Variants in MYZAP observed in about 807,000 individuals in gnomAD.
MYZAP encodes the protein GRINL1A complex locus upstream.
In MYZAP, 66 loss-of-function variants were observed where a neutral mutation model predicts 69.4. That is an observed-to-expected ratio of 0.95 (90% CI 0.78 to 1.17). The LOEUF (loss-of-function observed/expected upper bound fraction) is 1.17, where lower values mean the gene tolerates loss of function less well. Among genes scored for constraint, MYZAP ranks in the 50% most tolerant of loss-of-function variants. MYZAP has a pLI of 0.00. For synonymous variants in MYZAP, 256 were observed against 205.9 expected (o/e 1.24, Z -2.09); for missense variants, 611 against 556.2 (o/e 1.10, Z -0.99).
intron 2 of MYZAP, among the ~76,000 whole-genome samples, chr15:57,615,679 T>C (rs1200858984): frequency 1.3e-5 from 2 of 152,216 alleles, no homozygotes; most frequent in Non-Finnish European, 2.9e-5. Flanking sequence ...CTCTTCCTGG[T>C]TATATGTCCA....
At chr15:57,642,180 A>G (rs1385928407) in intron 10 of MYZAP, among the ~76,000 whole-genome samples, 6 of 152,212 alleles carry the variant, frequency 3.9e-5, no homozygotes, top group African/African-American at 1.4e-4. Context: ...TTCCTCCACA[A>G]ATTCTGTGTT....
intron 1 of MYZAP, among the ~76,000 whole-genome samples, chr15:57,603,806 CT>C (rs1232931999): frequency 6.6e-6 from 1 of 151,916 alleles, no homozygotes; most frequent in Non-Finnish European, 1.5e-5. Flanking sequence ...GGTATATGGA[CT>C]TTTTTGAAAA....
At chr15:57,669,577 A>T (rs984244562) in intron 11 of MYZAP, among the ~76,000 whole-genome samples, 1 of 152,284 alleles carries the variant, frequency 6.6e-6, no homozygotes, top group African/African-American at 2.4e-5. Context: ...TTTAAAAAAT[A>T]ATTAAAATAG....
chr15:57,672,675 A>G (rs80234853), intron 11 of MYZAP, among the ~76,000 whole-genome samples: 3,453 of 152,296 alleles, frequency 0.023, 147 homozygotes, highest in African/African-American at 0.079. Flanking sequence ...ATTGATTTCT[A>G]ACTTCTTGTA....
Position 57,633,668 on chromosome 15 carries a change from C to T in MYZAP, c.860C>T (p.Ala287Val). Residue 287 changes from alanine to valine, a missense_variant, in exon 8 of 13, where the codon GCA (alanine) becomes GTA (valine). Ala to Val is a moderately conservative substitution (Grantham distance 64, BLOSUM62 0). Coordinates refer to ENST00000267853, the MANE Select transcript of MYZAP (RefSeq NM_001018100.5). Reference sequence around the variant, plus strand: ...GAAGAAGCCAATAAAAAGATGCAAGCAGCAGAGATCAGCCTAGAGGAGAAA... The same window carrying T: ...GAAGAAGCCAATAAAAAGATGCAAGTAGCAGAGATCAGCCTAGAGGAGAAA... ...AIEEANKKMQ[A>V]AEISLEEKDQ... 1.2e-6 allele frequency: 2 copies of T among 1,613,398 alleles called. No homozygotes were observed. Among genetic ancestry groups the T allele is most frequent in the Non-Finnish European group, 8.5e-7 (1 of 1,179,728 alleles).
intron 2 of MYZAP, among the ~76,000 whole-genome samples, chr15:57,605,072 C>T (rs1454066421): frequency 2.0e-5 from 3 of 152,116 alleles, no homozygotes; most frequent in Non-Finnish European, 2.9e-5. Flanking sequence ...GTCCTGCTGA[C>T]CTCTAGGCCT....
chr15:57,676,420 G>GTATATATATATATA (rs1264217621), intron 12 of MYZAP, among the ~76,000 whole-genome samples: 1 of 33,236 alleles, frequency 3.0e-5, no homozygotes, highest in African/African-American at 5.6e-5. Flanking sequence ...GTATATATAT[G>GTATATATATATATA]TGTATATATA....
At chr15:57,674,809 T>C (rs1467047342) in intron 11 of MYZAP, among the ~76,000 whole-genome samples, 159 bp from the exon 12 acceptor site, 2 of 152,252 alleles carry the variant, frequency 1.3e-5, no homozygotes, top group Non-Finnish European at 2.9e-5. Flanking sequence ...AGTCAATCTA[T>C]TTCTTCAACA....
At chr15:57,644,967 G>C (rs1187531490) in intron 10 of MYZAP, among the ~76,000 whole-genome samples, 4 of 152,180 alleles carry the variant, frequency 2.6e-5, no homozygotes, top group Admixed American at 2.6e-4. Context: ...AGAGACTAAG[G>C]GTGATTCTCA....
intron 3 of MYZAP, among the ~76,000 whole-genome samples, chr15:57,619,188 G>A (rs143417506): frequency 0.015 from 2,250 of 152,148 alleles, 30 homozygotes; most frequent in South Asian, 0.045. Flanking sequence ...TTTTGTGTGA[G>A]TTTTTAAAAG....
At chr15:57,609,910 A>G (rs951526273) in intron 2 of MYZAP, among the ~76,000 whole-genome samples, 1 of 152,174 alleles carries the variant, frequency 6.6e-6, no homozygotes, top group Non-Finnish European at 1.5e-5. Context: ...TCTTATCCAT[A>G]GTCATGTGCA....
chr15:57,598,239 C>T (rs2034188902), intron 1 of MYZAP, among the ~76,000 whole-genome samples: 1 of 152,130 alleles, frequency 6.6e-6, no homozygotes, highest in Non-Finnish European at 1.5e-5. Flanking sequence ...TGAGGGGACC[C>T]ATGTAGCTCC....
chr15:57,626,178 G>A (rs1439256676), intron 5 of MYZAP, among the ~76,000 whole-genome samples: 1 of 152,152 alleles, frequency 6.6e-6, no homozygotes, highest in African/African-American at 2.4e-5. Context: ...GTGGTCCTCA[G>A]CATCAGTGCC....
intron 5 of MYZAP, among the ~76,000 whole-genome samples, chr15:57,627,640 G>A (rs1260945867): frequency 6.6e-6 from 1 of 152,184 alleles, no homozygotes; most frequent in Non-Finnish European, 1.5e-5. Context: ...AGGGAGACCA[G>A]ACCCTTGGTT....
At chr15:57,666,880 C>CT (rs1382838380) in intron 11 of MYZAP, among the ~76,000 whole-genome samples, 1 of 151,930 alleles carries the variant, frequency 6.6e-6, no homozygotes, top group Non-Finnish European at 1.5e-5. Context: ...TTTTCTTTTT[C>CT]TTTTTTTCAA....
chr15:57,668,097 A>G (rs1444210686), intron 11 of MYZAP, among the ~76,000 whole-genome samples: 4 of 152,174 alleles, frequency 2.6e-5, no homozygotes, highest in African/African-American at 9.7e-5. Flanking sequence ...CAGCATAATG[A>G]TTTGAGGCGC....
rs562128022 is a variant in MYZAP, at chr15:57,597,420, G to A, written c.75+5311G>A. 2.6e-5 allele frequency among the ~76,000 whole-genome samples: 4 copies of A among 152,286 alleles called. No individual in the cohort carries two copies. In the East Asian group the frequency reaches 7.7e-4, roughly 29 times the overall value. On this transcript the variant is annotated intron_variant, in intron 1 of 12. Transcript: ENST00000267853. ...AGCAAGGCTAACAATATTTCTTTAA[G>A]CATTACTCCCTTCTATAGCTTTCTT...
intron 11 of MYZAP, among the ~76,000 whole-genome samples, chr15:57,662,346 A>G (rs992294122): frequency 6.6e-6 from 1 of 152,230 alleles, no homozygotes; most frequent in Non-Finnish European, 1.5e-5. Context: ...AGAGCCCAGC[A>G]GACAATGATA....
In MYZAP at chr15:57,604,361, G is replaced by C. The variant is rs778191892; in HGVS notation, c.162+6G>C. The C allele has an allele frequency of 5.8e-5, 94 of 1,613,976 alleles. No homozygotes were observed. Among genetic ancestry groups the C allele is most frequent in the Non-Finnish European group, 7.4e-5 (87 of 1,179,998 alleles). ...AGATTGAGAGAAAAGAGCAGGTAAGGTATCTCCGAGGCAAAGCCCCAACAA... is the reference window on the plus strand; with the variant it reads ...AGATTGAGAGAAAAGAGCAGGTAAGCTATCTCCGAGGCAAAGCCCCAACAA... On this transcript the variant is annotated splice_donor_region_variant and intron_variant, in intron 2 of 12. Coordinates refer to ENST00000267853, the MANE Select transcript of MYZAP (RefSeq NM_001018100.5).
Sources: allele counts gnomAD v4.1 joint callset (sites outside exome capture counted in the v4.1 genomes callset), GRCh38; gene constraint gnomAD v4.1.1; transcripts MANE v1.5; gene names NCBI Gene and HGNC (gene_info 2026-07-23, HGNC 2026-07-21).